Variants in MGRN1 observed in about 807,000 individuals in gnomAD.
MGRN1 encodes the protein E3 ubiquitin-protein ligase MGRN1.
Under a neutral mutation model 69.2 loss-of-function variants are expected in MGRN1, and 29 were observed. The observed-to-expected ratio is 0.42, with a 90% confidence interval of 0.31 to 0.57. The LOEUF (loss-of-function observed/expected upper bound fraction) is 0.57, where lower values mean the gene tolerates loss of function less well. MGRN1 is among the 20% of genes least tolerant of loss of function. The pLI, the probability that MGRN1 is intolerant of heterozygous loss-of-function variation, is 0.15. For synonymous variants in MGRN1, 470 were observed against 344.2 expected, an observed-to-expected ratio of 1.37 and a Z score of -4.04; for missense variants, 998 against 796.2, an observed-to-expected ratio of 1.25 and a Z score of -3.05.
At chr16:4,675,126 C>T (rs942618246) in intron 10 of MGRN1, among the ~76,000 whole-genome samples, 18 of 152,150 alleles carry the variant, frequency 1.2e-4, no homozygotes, top group African/African-American at 4.3e-4. Flanking sequence ...GCATGTGCCA[C>T]CATGCCCGGC....
chr16:4,630,782 G>A (rs1454597897), intron 1 of MGRN1, among the ~76,000 whole-genome samples: 1 of 149,032 alleles, frequency 6.7e-6, no homozygotes, highest in African/African-American at 2.5e-5. Context: ...CTTACATTTA[G>A]GTCTTTGATC....
intron 1 of MGRN1, among the ~76,000 whole-genome samples, chr16:4,645,197 G>A (rs1596272522): frequency 6.6e-6 from 1 of 152,048 alleles, no homozygotes; most frequent in Non-Finnish European, 1.5e-5. Flanking sequence ...GTCTTGCTCT[G>A]TTGCCCAGGC....
intron 10 of MGRN1, among the ~76,000 whole-genome samples, chr16:4,674,626 CTTT>C (rs71139654): frequency 8.5e-5 from 4 of 47,276 alleles, no homozygotes; most frequent in African/African-American, 2.7e-4. Flanking sequence ...CTTTTCTTTT[CTTT>C]TTTTTTTTTT....
chr16:4,656,490 T>A (rs905391811), intron 4 of MGRN1, among the ~76,000 whole-genome samples: 23 of 152,234 alleles, frequency 1.5e-4, no homozygotes, highest in African/African-American at 5.5e-4. Context: ...GATCTGTGGG[T>A]CTCTGCTGGG....
chr16:4,665,450 C>T (rs2078782003), intron 7 of MGRN1, among the ~76,000 whole-genome samples: 1 of 151,418 alleles, frequency 6.6e-6, no homozygotes, highest in Non-Finnish European at 1.5e-5. Flanking sequence ...CTCACTGCAA[C>T]CTCTGCCTCC....
At chr16:4,645,777 C>G (rs1351693297) in intron 1 of MGRN1, among the ~76,000 whole-genome samples, 1 of 152,136 alleles carries the variant, frequency 6.6e-6, no homozygotes, top group African/African-American at 2.4e-5. Flanking sequence ...GCCTCGGAGG[C>G]TACTGGGACC....
chr16:4,636,591 G>A (rs1405470684), intron 1 of MGRN1, among the ~76,000 whole-genome samples: 1 of 152,128 alleles, frequency 6.6e-6, no homozygotes, highest in Non-Finnish European at 1.5e-5. Flanking sequence ...TTTTAGGAGT[G>A]AACGAATTTG....
intron 7 of MGRN1, 95 bp downstream of exon 7, chr16:4,665,246 G>C: frequency 1.4e-6 from 2 of 1,385,042 alleles, no homozygotes; most frequent in Non-Finnish European, 2.0e-6. Context: ...GCTGGGGCTT[G>C]GTGGGGTGGC....
At chr16:4,625,191 ACGG>A in intron 1 of MGRN1, 143 bp downstream of exon 1, 1 of 754,400 alleles carries the variant, frequency 1.3e-6, no homozygotes. Flanking sequence ...GCGCGGCCCC[ACGG>A]CCCCGATCCC....
At chr16:4,638,038 C>G (rs575328556) in intron 1 of MGRN1, among the ~76,000 whole-genome samples, 62 of 152,352 alleles carry the variant, frequency 4.1e-4, no homozygotes, top group Middle Eastern at 3.4e-3. Context: ...TATGGTATCA[C>G]GTTTACATAT....
intron 16 of MGRN1, chr16:4,688,023 T>C: frequency 8.1e-6 from 8 of 985,416 alleles, no homozygotes; most frequent in Non-Finnish European, 9.6e-6. Flanking sequence ...AGCTGGGGAG[T>C]GCAGGTGTGA....
chr16:4,639,253 C>T (rs1050477295), intron 1 of MGRN1, among the ~76,000 whole-genome samples: 1 of 152,130 alleles, frequency 6.6e-6, no homozygotes, highest in South Asian at 2.1e-4. Context: ...CGAGATAAAG[C>T]AGCAGTGACA....
In MGRN1 at chr16:4,664,776, G is replaced by C. The variant is rs1352048298; in HGVS notation, c.628+1G>C. On this transcript the variant is annotated splice_donor_variant, in intron 6 of 16. Coordinates refer to ENST00000262370, the MANE Select transcript of MGRN1 (RefSeq NM_015246.4). LOFTEE classifies it high-confidence loss of function. ...CAGGCTGTGGTGGACGAAGGAGATG[G>C]TGAGTGCGTCCTCTTCCGTCCTCCT... The C allele has an allele frequency of 6.2e-7, 1 of 1,614,062 alleles. No individual in the cohort carries two copies. Among genetic ancestry groups the C allele is most frequent in the African/African-American group, 1.3e-5 (1 of 74,934 alleles).
chr16:4,640,105 T>G (rs2078124968), intron 1 of MGRN1: 1 of 152,308 alleles, frequency 6.6e-6, no homozygotes, highest in African/African-American at 2.4e-5. Flanking sequence ...AATGTCCCTG[T>G]TTTCCTCTCG....
At chr16:4,684,434 G>A (rs906230989) in intron 16 of MGRN1, among the ~76,000 whole-genome samples, 3 of 152,238 alleles carry the variant, frequency 2.0e-5, no homozygotes, top group Admixed American at 6.5e-5. Context: ...GCTGGGTAGC[G>A]GGGGCCCTGG....
chr16:4,636,090 C>A (rs187170118), intron 1 of MGRN1, among the ~76,000 whole-genome samples: 1 of 152,084 alleles, frequency 6.6e-6, no homozygotes, highest in Non-Finnish European at 1.5e-5. Flanking sequence ...GCATGAGCCA[C>A]TGGGCCTGGC....
At chr16:4,671,499 G>C in intron 9 of MGRN1, 40 bp downstream of exon 9, 4 of 1,597,390 alleles carry the variant, frequency 2.5e-6, no homozygotes, top group Non-Finnish European at 3.4e-6. Flanking sequence ...CATTACAGAA[G>C]CCCACACCAG....
intron 14 of MGRN1, 74 bp from the exon 15 acceptor site, chr16:4,683,150 C>T: frequency 6.3e-7 from 1 of 1,584,530 alleles, no homozygotes. Flanking sequence ...GAGGGCCGTG[C>T]CTGATGGCGG....
chr16:4,658,033 T>C (rs113733194), intron 5 of MGRN1, among the ~76,000 whole-genome samples: 2,119 of 151,528 alleles, frequency 0.014, 50 homozygotes, highest in African/African-American at 0.048. Flanking sequence ...TGAGCCACCG[T>C]GCCCGGCCAT....
Sources: gnomAD v4.1 joint callset for allele counts (sites outside exome capture counted in the v4.1 genomes callset) on GRCh38, gnomAD v4.1.1 for gene constraint, MANE v1.5 for transcripts, NCBI Gene and HGNC (gene_info 2026-07-23, HGNC 2026-07-21) for gene names.